The following FTCDNL1 variants were observed in gnomAD, a reference collection of about 807,000 sequenced individuals.
The protein encoded by FTCDNL1 is formiminotransferase N-terminal subdomain-containing protein.
A neutral mutation model predicts 5.9 loss-of-function variants in FTCDNL1; 11 were observed. That is an observed-to-expected ratio of 1.87 (90% confidence interval 1.18 to 3.10). The LOEUF (loss-of-function observed/expected upper bound fraction) is 3.10. FTCDNL1 is among the 30% of genes most tolerant of loss of function. The pLI is 0.00. For missense variants in FTCDNL1, 115 were observed against 65.5 expected, an observed-to-expected ratio of 1.76 and a Z score of -2.61; for synonymous variants, 58 against 24.8, an observed-to-expected ratio of 2.34 and a Z score of -3.99.
chr2:199,714,342 T>A, the FTCDNL1 span, among the ~76,000 whole-genome samples: 36 of 150,266 alleles, frequency 2.4e-4, no homozygotes, highest in South Asian at 3.2e-3. Flanking sequence ...AAAAAAAAAT[T>A]ATGTCCAAAA....
the FTCDNL1 span, among the ~76,000 whole-genome samples, chr2:199,728,395 C>T: frequency 2.0e-5 from 3 of 151,970 alleles, no homozygotes; most frequent in African/African-American, 4.8e-5. Context: ...TATAGGCTCC[C>T]GCCACCATGC....
chr2:199,832,087 A>T (rs955073783), intron 3 of FTCDNL1, among the ~76,000 whole-genome samples: 2 of 152,180 alleles, frequency 1.3e-5, no homozygotes, highest in Non-Finnish European at 2.9e-5. Flanking sequence ...ATAACCAATA[A>T]TCCAAGAAGG....
chr2:199,691,401 G>A, the FTCDNL1 span, among the ~76,000 whole-genome samples: 12 of 152,234 alleles, frequency 7.9e-5, no homozygotes, highest in African/African-American at 2.6e-4. Context: ...TCGAACTACC[G>A]ACCTCAGGTA....
chr2:199,833,476 C>G (rs1328381640), intron 3 of FTCDNL1, among the ~76,000 whole-genome samples: 20 of 152,176 alleles, frequency 1.3e-4, no homozygotes, highest in Non-Finnish European at 5.9e-5. Flanking sequence ...TTCAGAGAAG[C>G]TATAGAGATG....
the FTCDNL1 span, among the ~76,000 whole-genome samples, chr2:199,672,768 G>GC: frequency 6.6e-6 from 1 of 151,946 alleles, no homozygotes; most frequent in Non-Finnish European, 1.5e-5. Flanking sequence ...TTCTAACATA[G>GC]CAGCCTGAGC....
At chr2:199,690,484 C>T in the FTCDNL1 span, among the ~76,000 whole-genome samples, 1 of 152,102 alleles carries the variant, frequency 6.6e-6, no homozygotes, top group Non-Finnish European at 1.5e-5. Context: ...ATTGCTGAGC[C>T]CTCTCCTTGT....
chr2:199,718,056 G>T, the FTCDNL1 span, among the ~76,000 whole-genome samples: 1 of 150,472 alleles, frequency 6.6e-6, no homozygotes, highest in East Asian at 2.0e-4. Flanking sequence ...TGTTTCCAAT[G>T]AGTTTTAAAA....
chr2:199,682,522 A>C, the FTCDNL1 span, among the ~76,000 whole-genome samples: 43 of 152,202 alleles, frequency 2.8e-4, no homozygotes, highest in Non-Finnish European at 4.4e-5. Flanking sequence ...ATATGAACCC[A>C]AAAATATGAC....
At chr2:199,758,527 T>C (rs1056525733), downstream of FTCDNL1, among the ~76,000 whole-genome samples, 2 of 151,526 alleles carry the variant, frequency 1.3e-5, no homozygotes, top group East Asian at 1.9e-4. Context: ...GTAATCAGTA[T>C]AGCCACTTTG....
chr2:199,691,714 C>T, the FTCDNL1 span, among the ~76,000 whole-genome samples: 1 of 152,182 alleles, frequency 6.6e-6, no homozygotes, highest in African/African-American at 2.4e-5. Context: ...GGTAACTCTT[C>T]CTTATAACTA....
chr2:199,849,075 G>A, intron 1 of FTCDNL1, 106 bp from the exon 2 acceptor site: 1 of 621,106 alleles, frequency 1.6e-6, no homozygotes, highest in Non-Finnish European at 2.8e-6. Context: ...GTCATAATAT[G>A]AGCACTTTAC....
At chr2:199,766,152 T>C (rs1415339102) in intron 3 of FTCDNL1, among the ~76,000 whole-genome samples, 2 of 152,226 alleles carry the variant, frequency 1.3e-5, no homozygotes, top group African/African-American at 4.8e-5. Context: ...GTGCTCTCAA[T>C]GCAATAAAGT....
In FTCDNL1 at chr2:199,815,856, C is replaced by T. The variant is rs368339623; in HGVS notation, c.398-3132G>A. Among the ~76,000 whole-genome samples the T allele has an allele frequency of 2.6e-5, 4 of 151,896 alleles. No individual in the cohort carries two copies. The East Asian group carries it at 7.7e-4, about 29-fold the overall frequency. The stretch of plus-strand genomic sequence containing the variant: ...CTCTACTAAAATACAAAAAATTATC[C>T]ATGCATGGTGGCACGTGCCTGTAGT... On this transcript the variant is annotated intron_variant, in intron 4 of 4. Coordinates refer to ENST00000420128, the MANE Select transcript of FTCDNL1 (RefSeq NM_001363886.2).
At chr2:199,764,281 A>G (rs867194999) in intron 3 of FTCDNL1, among the ~76,000 whole-genome samples, 2 of 152,214 alleles carry the variant, frequency 1.3e-5, no homozygotes, top group South Asian at 4.1e-4. Flanking sequence ...TAATACTCAC[A>G]AGGCAAGCAC....
At chr2:199,775,534 T>G (rs1430600697) in intron 3 of FTCDNL1, among the ~76,000 whole-genome samples, 1 of 152,178 alleles carries the variant, frequency 6.6e-6, no homozygotes, top group Non-Finnish European at 1.5e-5. Flanking sequence ...TCTCCAACAT[T>G]CCTGCAGCTT....
chr2:199,742,913 T>C, the FTCDNL1 span, among the ~76,000 whole-genome samples: 1 of 152,294 alleles, frequency 6.6e-6, no homozygotes, highest in African/African-American at 2.4e-5. Flanking sequence ...GAACTACAAA[T>C]GGGTCTCGCA....
chr2:199,696,922 C>T, the FTCDNL1 span, among the ~76,000 whole-genome samples: 1 of 152,156 alleles, frequency 6.6e-6, no homozygotes, highest in African/African-American at 2.4e-5. Flanking sequence ...TAAAATAATT[C>T]CAGAGCTGAA....
the FTCDNL1 span, among the ~76,000 whole-genome samples, chr2:199,727,433 T>C: frequency 2.0e-5 from 3 of 152,278 alleles, no homozygotes; most frequent in Admixed American, 2.0e-4. Context: ...TCCTGATCCA[T>C]GGGTTGCACA....
At chr2:199,831,942 C>T (rs1702399363) in intron 3 of FTCDNL1, among the ~76,000 whole-genome samples, 1 of 152,094 alleles carries the variant, frequency 6.6e-6, no homozygotes, top group South Asian at 2.1e-4. Context: ...TATCTACTCT[C>T]CTCCCTATAA....
Sources: gnomAD v4.1 joint callset for allele counts (sites outside exome capture counted in the v4.1 genomes callset) on GRCh38, gnomAD v4.1.1 for gene constraint, MANE v1.5 for transcripts, NCBI Gene and HGNC (gene_info 2026-07-23, HGNC 2026-07-21) for gene names.